The following PTP4A1 variants were observed in gnomAD, a reference collection of about 807,000 sequenced individuals.
PTP4A1 encodes the protein protein tyrosine phosphatase type IVA 1.
In PTP4A1, 9 loss-of-function variants were observed where a neutral mutation model predicts 20.5. That is an observed-to-expected ratio of 0.44 (90% CI 0.26 to 0.77). PTP4A1 has a LOEUF of 0.77. PTP4A1 is among the 30% of genes least tolerant of loss of function. The pLI, the probability that PTP4A1 is intolerant of heterozygous loss-of-function variation, is 0.19. For synonymous variants in PTP4A1, 78 were observed against 67.4 expected, an observed-to-expected ratio of 1.16 and a Z score of -0.77; for missense variants, 137 against 218.8, an observed-to-expected ratio of 0.63 and a Z score of 2.36.
intron 3 of PTP4A1, among the ~76,000 whole-genome samples, chr6:63,561,577 G>T (rs180911369): frequency 2.6e-5 from 4 of 152,050 alleles, no homozygotes; most frequent in East Asian, 1.9e-4. Context: ...TTTTGTTTCC[G>T]CTTACAATCA....
At chr6:63,557,501 G>A (rs977535354) in intron 3 of PTP4A1, among the ~76,000 whole-genome samples, 1 of 152,106 alleles carries the variant, frequency 6.6e-6, no homozygotes, top group African/African-American at 2.4e-5. Context: ...TATATATGGA[G>A]GTTGCAGTGA....
intron 2 of PTP4A1, chr6:63,549,602 A>G (rs915440254): frequency 3.5e-6 from 2 of 566,422 alleles, no homozygotes; most frequent in South Asian, 2.4e-5. Flanking sequence ...TGTGATATAT[A>G]TACACAATGG....
intron 3 of PTP4A1, among the ~76,000 whole-genome samples, chr6:63,564,286 AAAAAG>A (rs932565756): frequency 2.5e-4 from 38 of 152,114 alleles, no homozygotes; most frequent in African/African-American, 9.2e-4. Flanking sequence ...AAAAAAAAAA[AAAAAG>A]AGAGAAATTT....
At chr6:63,547,590 C>T (rs1776253209) in intron 2 of PTP4A1, among the ~76,000 whole-genome samples, 1 of 141,752 alleles carries the variant, frequency 7.1e-6, no homozygotes, top group Admixed American at 7.2e-5. Context: ...ACTGCGAGCT[C>T]CGCCTCCCGG....
chr6:63,538,407 A>C (rs1775810860), intron 2 of PTP4A1, among the ~76,000 whole-genome samples: 1 of 152,268 alleles, frequency 6.6e-6, no homozygotes, highest in Admixed American at 6.5e-5. Flanking sequence ...TAGCAATTGA[A>C]TTATAAAAGA....
chr6:63,544,945 A>G (rs569612183), intron 2 of PTP4A1, among the ~76,000 whole-genome samples: 1 of 152,328 alleles, frequency 6.6e-6, no homozygotes, highest in African/African-American at 2.4e-5. Flanking sequence ...TTATATAAAT[A>G]CCATATTGCA....
chr6:63,552,806 T>G (rs1288681840), intron 3 of PTP4A1, among the ~76,000 whole-genome samples: 1 of 152,188 alleles, frequency 6.6e-6, no homozygotes. Flanking sequence ...TTTCCCCATT[T>G]CTTGTTTTTG....
At chr6:63,524,664 G>A (rs1045856666) in intron 1 of PTP4A1, among the ~76,000 whole-genome samples, 12 of 152,214 alleles carry the variant, frequency 7.9e-5, no homozygotes, top group African/African-American at 2.9e-4. Flanking sequence ...CTTCCTGGCA[G>A]CCAAAGCAAA....
chr6:63,560,991 A>T (rs929352217), intron 3 of PTP4A1, among the ~76,000 whole-genome samples: 2 of 152,244 alleles, frequency 1.3e-5, no homozygotes, highest in African/African-American at 4.8e-5. Flanking sequence ...GAAGGATGAA[A>T]TATAAGCCCA....
At chr6:63,536,947 C>T (rs1775755448) in intron 2 of PTP4A1, among the ~76,000 whole-genome samples, 1 of 151,970 alleles carries the variant, frequency 6.6e-6, no homozygotes, top group Non-Finnish European at 1.5e-5. Flanking sequence ...ATTGACACTT[C>T]AACTGGGTAA....
chr6:63,521,334 T>C (rs1478228738), upstream of PTP4A1, among the ~76,000 whole-genome samples: 1 of 152,190 alleles, frequency 6.6e-6, no homozygotes, highest in Non-Finnish European at 1.5e-5. Flanking sequence ...TAGCATAAAG[T>C]GAGTCAACAT....
intron 3 of PTP4A1, among the ~76,000 whole-genome samples, chr6:63,562,467 G>A (rs1777006398): frequency 1.3e-5 from 2 of 152,106 alleles, no homozygotes; most frequent in African/African-American, 4.8e-5. Context: ...CCAAAGTGCT[G>A]GGATTACAGG....
chr6:63,564,105 T>C (rs1581939678), intron 3 of PTP4A1, among the ~76,000 whole-genome samples: 1 of 151,992 alleles, frequency 6.6e-6, no homozygotes, highest in East Asian at 1.9e-4. Flanking sequence ...AGAAACCCCA[T>C]CTCTACTAAA....
chr6:63,556,456 C>G (rs1489995426), intron 3 of PTP4A1, among the ~76,000 whole-genome samples: 1 of 152,084 alleles, frequency 6.6e-6, no homozygotes, highest in Non-Finnish European at 1.5e-5. Flanking sequence ...GCTGGGATTA[C>G]AGGCATGAGC....
At chr6:63,579,161 G>A (rs1420965557) in intron 4 of PTP4A1, 96 bp from the exon 5 acceptor site, 3 of 1,391,990 alleles carry the variant, frequency 2.2e-6, no homozygotes, top group Non-Finnish European at 2.0e-6. Flanking sequence ...AGGAAGGGTG[G>A]TAGATAATAC....
At chr6:63,558,959 C>G (rs780769694) in intron 3 of PTP4A1, among the ~76,000 whole-genome samples, 6 of 152,154 alleles carry the variant, frequency 3.9e-5, no homozygotes, top group Non-Finnish European at 7.3e-5. Context: ...ATAGTAAGCA[C>G]TGAATAAATG....
chr6:63,522,394 T>C (rs1774966060), intron 1 of PTP4A1, among the ~76,000 whole-genome samples: 3 of 152,190 alleles, frequency 2.0e-5, no homozygotes, highest in South Asian at 2.1e-4. Flanking sequence ...AAACAATAAA[T>C]AAGTAGTCCC....
At chr6:63,549,037 C>A (rs1480348154) in intron 2 of PTP4A1, 6 of 726,080 alleles carry the variant, frequency 8.3e-6, no homozygotes, top group Non-Finnish European at 1.3e-5. Flanking sequence ...ACGTCGTGTG[C>A]AATCACCACC....
chr6:63,544,288 C>T (rs1228216851), intron 2 of PTP4A1, among the ~76,000 whole-genome samples: 3 of 152,200 alleles, frequency 2.0e-5, no homozygotes, highest in African/African-American at 4.8e-5. Flanking sequence ...TGAATTTTAA[C>T]ATCTTGCCAA....
Sources: gnomAD v4.1 joint callset for allele counts (sites outside exome capture counted in the v4.1 genomes callset) on GRCh38, gnomAD v4.1.1 for gene constraint, MANE v1.5 for transcripts, NCBI Gene and HGNC (gene_info 2026-07-23, HGNC 2026-07-21) for gene names.